Variants in RBFOX1 observed in about 807,000 individuals in gnomAD.
RBFOX1 encodes RNA binding protein fox-1 homolog 1.
RBFOX1 carries 8 observed loss-of-function variants against 57.7 expected under a neutral mutation model. The ratio of observed to expected loss-of-function variants is 0.14; its 90% confidence interval spans 0.08 to 0.25. The LOEUF (loss-of-function observed/expected upper bound fraction) is 0.25. Ranked by LOEUF, RBFOX1 falls within the 10% of genes least tolerant of loss-of-function variation. The probability of loss-of-function intolerance (pLI) is 1.00; values close to 1 mark genes in which losing one functional copy is unlikely to be tolerated. For missense variants in RBFOX1, 611 were observed against 548.5 expected, an observed-to-expected ratio of 1.11 and a Z score of -1.14; for synonymous variants, 326 against 222.4, an observed-to-expected ratio of 1.47 and a Z score of -4.15.
At chr16:5,623,962 C>A (rs9922260) in intron 3 of RBFOX1, among the ~76,000 whole-genome samples, 7,886 of 152,266 alleles carry the variant, frequency 0.052, 694 homozygotes, top group African/African-American at 0.18. Context: ...TAGAACATTT[C>A]CATCATCCCC....
chr16:7,195,475 A>T (rs142199674), intron 4 of RBFOX1, among the ~76,000 whole-genome samples: 1 of 152,304 alleles, frequency 6.6e-6, no homozygotes, highest in Non-Finnish European at 1.5e-5. Context: ...AAACAGAACA[A>T]CTGACCCAAC....
At chr16:5,904,554 C>G (rs12445344) in intron 4 of RBFOX1, among the ~76,000 whole-genome samples, 7 of 151,536 alleles carry the variant, frequency 4.6e-5, no homozygotes, top group African/African-American at 1.7e-4. Context: ...TGCATTCAGA[C>G]CATGGTGTGG....
At chr16:6,736,442 G>T (rs1308757628) in intron 3 of RBFOX1, among the ~76,000 whole-genome samples, 1 of 152,142 alleles carries the variant, frequency 6.6e-6, no homozygotes, top group African/African-American at 2.4e-5. Flanking sequence ...ATCACTTAGA[G>T]TAATAGTCTC....
chr16:6,066,734 C>A (rs1422263250), intron 1 of RBFOX1, among the ~76,000 whole-genome samples: 1 of 152,072 alleles, frequency 6.6e-6, no homozygotes, highest in African/African-American at 2.4e-5. Flanking sequence ...CAAGCATTGG[C>A]CTTTGCCCAG....
intron 4 of RBFOX1, among the ~76,000 whole-genome samples, chr16:5,908,663 C>G (rs1401128790): frequency 6.6e-6 from 1 of 152,032 alleles, no homozygotes; most frequent in African/African-American, 2.4e-5. Context: ...CTACTAGGGC[C>G]TAAAAGTGTG....
In RBFOX1 at chr16:6,874,498, A is replaced by T. The variant is rs559585508; in HGVS notation, c.-15-177559A>T. Among the ~76,000 whole-genome samples, 17 of 136,950 alleles carry T rather than the reference A, an allele frequency of 1.2e-4. 1 individual carries two copies. In the East Asian group the frequency reaches 3.7e-3, roughly 30 times the overall value. 89.8% of individuals were successfully genotyped at this position (136,950 alleles called of 152,430 possible). A position where few individuals can be genotyped will look rare whatever the true frequency, so the allele number is the denominator to read the frequency against. Reference sequence around the variant, plus strand: ...TGCACTCCAGGCTGGGCGACAGAGCAAGACTCCATCTAAAAAAAAAAAAAA... The same window carrying T: ...TGCACTCCAGGCTGGGCGACAGAGCTAGACTCCATCTAAAAAAAAAAAAAA... On this transcript the variant is annotated intron_variant, in intron 3 of 15. Coordinates refer to ENST00000550418, the MANE Select transcript of RBFOX1 (RefSeq NM_018723.4).
chr16:7,708,521 C>T (rs529626003), intron 14 of RBFOX1, among the ~76,000 whole-genome samples: 2 of 152,000 alleles, frequency 1.3e-5, no homozygotes, highest in South Asian at 2.1e-4. Context: ...GAATGGGGGT[C>T]CCACAGACCC....
intron 2 of RBFOX1, among the ~76,000 whole-genome samples, chr16:6,581,665 A>G (rs7200845): frequency 0.52 from 79,481 of 152,060 alleles, 21,415 homozygotes; most frequent in East Asian, 0.67. Context: ...TTGATCCCCA[A>G]GCTGCTAAGG....
chr16:5,641,567 T>G (rs1445244724), intron 3 of RBFOX1, among the ~76,000 whole-genome samples: 1 of 152,176 alleles, frequency 6.6e-6, no homozygotes, highest in Non-Finnish European at 1.5e-5. Flanking sequence ...GGCTGCAGGA[T>G]ATACCATTTA....
At chr16:6,715,722 T>C (rs1367415186) in intron 3 of RBFOX1, among the ~76,000 whole-genome samples, 1 of 152,070 alleles carries the variant, frequency 6.6e-6, no homozygotes, top group Non-Finnish European at 1.5e-5. Context: ...TTGTTGTTTA[T>C]GGGTGGTTTT....
intron 3 of RBFOX1, among the ~76,000 whole-genome samples, chr16:6,933,311 A>C (rs111532168): frequency 0.015 from 2,286 of 152,306 alleles, 62 homozygotes; most frequent in African/African-American, 0.051. Context: ...TTAGTAACCG[A>C]CATACTCTTT....
chr16:7,462,771 A>G (rs910949410), intron 4 of RBFOX1, among the ~76,000 whole-genome samples: 4 of 152,214 alleles, frequency 2.6e-5, no homozygotes, highest in Non-Finnish European at 5.9e-5. Flanking sequence ...GGCCTTCAGA[A>G]GCTGCCCGTA....
chr16:7,042,112 T>A (rs762739324), intron 3 of RBFOX1, among the ~76,000 whole-genome samples: 8 of 152,214 alleles, frequency 5.3e-5, no homozygotes, highest in Non-Finnish European at 1.0e-4. Context: ...ATTATACTGG[T>A]TCTTACCTCA....
chr16:5,537,179 C>T (rs1378885253), intron 2 of RBFOX1, among the ~76,000 whole-genome samples: 1 of 152,152 alleles, frequency 6.6e-6, no homozygotes, highest in Non-Finnish European at 1.5e-5. Context: ...TGAGCCCTCA[C>T]CAGCAGCATC....
At chr16:6,423,796 G>A (rs1215850210) in intron 2 of RBFOX1, among the ~76,000 whole-genome samples, 2 of 152,048 alleles carry the variant, frequency 1.3e-5, no homozygotes, top group Non-Finnish European at 2.9e-5. Flanking sequence ...GGCCCAGGAA[G>A]GCCATGGTCC....
At chr16:7,054,745 A>C (rs2051517365) in intron 4 of RBFOX1, among the ~76,000 whole-genome samples, 1 of 152,346 alleles carries the variant, frequency 6.6e-6, no homozygotes, top group East Asian at 1.9e-4. Context: ...TCCTAAGTGC[A>C]GCAGTCAAAA....
intron 3 of RBFOX1, among the ~76,000 whole-genome samples, chr16:5,739,991 G>C (rs1031591212): frequency 3.9e-5 from 6 of 152,254 alleles, no homozygotes; most frequent in African/African-American, 7.2e-5. Flanking sequence ...GGAGGGATCA[G>C]TGTGGCCAGC....
chr16:5,935,967 G>A (rs1250504883), intron 4 of RBFOX1, among the ~76,000 whole-genome samples: 1 of 152,034 alleles, frequency 6.6e-6, no homozygotes. Flanking sequence ...CCTTCGTTCT[G>A]TAAACCTGCA....
At chr16:6,676,424 A>G (rs2057701191) in intron 3 of RBFOX1, among the ~76,000 whole-genome samples, 2 of 152,074 alleles carry the variant, frequency 1.3e-5, no homozygotes, top group East Asian at 1.9e-4. Flanking sequence ...AATAGTAAAT[A>G]AAGGTGCCAG....
Sources: gnomAD v4.1 joint callset for allele counts (sites outside exome capture counted in the v4.1 genomes callset) on GRCh38, gnomAD v4.1.1 for gene constraint, MANE v1.5 for transcripts, NCBI Gene and HGNC (gene_info 2026-07-23, HGNC 2026-07-21) for gene names.